KRABD1: variants seen among roughly 807,000 people sequenced by gnomAD.
KRABD1 encodes KRAB domain containing 1.
chr3:42,936,792 AC>A, the KRABD1 span: 1 of 152,070 alleles, frequency 6.6e-6, no homozygotes, highest in Admixed American at 6.5e-5. Context: ...GGATGCGGAA[AC>A]CCCAACCCTA....
the KRABD1 span, chr3:42,941,088 A>G: frequency 9.2e-6 from 6 of 654,768 alleles, no homozygotes; most frequent in Non-Finnish European, 1.2e-5. Context: ...TAAATTTTAC[A>G]CAAAAACTCT....
the KRABD1 span, chr3:42,938,953 C>T: frequency 1.3e-6 from 2 of 1,521,196 alleles, no homozygotes; most frequent in South Asian, 2.4e-5. Context: ...TTTTCTATCT[C>T]TGTACATATC....
the KRABD1 span, among the ~76,000 whole-genome samples, chr3:42,940,286 A>G: frequency 6.6e-6 from 1 of 152,170 alleles, no homozygotes; most frequent in Admixed American, 6.5e-5. Context: ...GTGAACATAT[A>G]TGTCTGTGTC....
the KRABD1 span, chr3:42,941,440 C>A: frequency 1.5e-6 from 2 of 1,365,872 alleles, no homozygotes; most frequent in South Asian, 1.6e-5. Context: ...ATAGCGATGT[C>A]AAAGGTTGCC....
the KRABD1 span, chr3:42,937,361 C>T: frequency 1.3e-5 from 2 of 152,330 alleles, no homozygotes. Context: ...TGTAGGGTGA[C>T]CTCTGTTGTA....
At chr3:42,938,186 T>C in the KRABD1 span, 1 of 152,234 alleles carries the variant, frequency 6.6e-6, no homozygotes, top group Admixed American at 6.5e-5. Context: ...ATTTGGGACA[T>C]GTTATGAAGT....
chr3:42,940,947 A>G, the KRABD1 span, among the ~76,000 whole-genome samples: 402 of 152,322 alleles, frequency 2.6e-3, no homozygotes, highest in African/African-American at 9.1e-3. Flanking sequence ...CCCAGCTTCT[A>G]TGCAGCAGCT....
the KRABD1 span, chr3:42,941,191 C>T: frequency 2.6e-6 from 4 of 1,534,772 alleles, no homozygotes; most frequent in Non-Finnish European, 3.5e-6. Context: ...CACCAAAGTA[C>T]TGAGGTCTGG....
the KRABD1 span, chr3:42,942,463 T>C: frequency 2.2e-6 from 1 of 462,388 alleles, no homozygotes; most frequent in East Asian, 3.3e-5. Context: ...AGAACTAATA[T>C]ATTAACAATT....
chr3:42,940,610 TA>T, the KRABD1 span, among the ~76,000 whole-genome samples: 1 of 152,170 alleles, frequency 6.6e-6, no homozygotes, highest in Non-Finnish European at 1.5e-5. Flanking sequence ...TCTTGAGCCT[TA>T]TGCACCAAGT....
At chr3:42,941,868 C>T in the KRABD1 span, 2 of 776,052 alleles carry the variant, frequency 2.6e-6, no homozygotes, top group Non-Finnish European at 4.4e-6. Flanking sequence ...ACTCTCCTCA[C>T]CTCCCTTGCT....
the KRABD1 span, chr3:42,941,284 T>C: frequency 6.3e-7 from 1 of 1,595,934 alleles, no homozygotes; most frequent in South Asian, 1.1e-5. Flanking sequence ...TGGGCCATCA[T>C]GGTGCCTGCC....
chr3:42,942,189 T>C, the KRABD1 span: 1 of 712,208 alleles, frequency 1.4e-6, no homozygotes, highest in East Asian at 2.7e-5. Context: ...GGATCCTCGA[T>C]CACATTTTTT....
chr3:42,941,906 G>A, the KRABD1 span: 1 of 1,114,336 alleles, frequency 9.0e-7, no homozygotes, highest in African/African-American at 1.5e-5. Flanking sequence ...GCTTAAATTT[G>A]ACCCCTATGA....
the KRABD1 span, chr3:42,942,648 T>C: frequency 2.2e-4 from 265 of 1,222,054 alleles, 2 homozygotes; most frequent in East Asian, 5.2e-3. Flanking sequence ...AAAAGCTTAA[T>C]TCTTGACATT....
the KRABD1 span, chr3:42,938,880 G>C: frequency 1.3e-6 from 2 of 1,528,226 alleles, no homozygotes; most frequent in Non-Finnish European, 1.8e-6. Context: ...ACCCAGAAAG[G>C]AATAAAAGAG....
chr3:42,941,266 C>T, the KRABD1 span: 86 of 1,585,332 alleles, frequency 5.4e-5, no homozygotes, highest in African/African-American at 2.0e-4. Context: ...TACTTCACTA[C>T]GAAGGAATGG....
the KRABD1 span, among the ~76,000 whole-genome samples, chr3:42,940,963 G>A: frequency 2.0e-5 from 3 of 152,204 alleles, no homozygotes; most frequent in Admixed American, 6.5e-5. Context: ...CAGCTTCAGC[G>A]TCTGTGGAGG....
chr3:42,936,530 A>C, the KRABD1 span: 1 of 152,202 alleles, frequency 6.6e-6, no homozygotes, highest in Admixed American at 6.5e-5. Context: ...TGGGGTCCTC[A>C]TGCCGATCCC....
Sources: allele counts gnomAD v4.1 joint callset (sites outside exome capture counted in the v4.1 genomes callset), GRCh38; gene constraint gnomAD v4.1.1; transcripts MANE v1.5; gene names NCBI Gene and HGNC (gene_info 2026-07-23, HGNC 2026-07-21).